LRP1B: variants seen among roughly 807,000 people sequenced by gnomAD.
LRP1B encodes the protein LDL receptor related protein 1B, also known as low-density lipoprotein receptor-related protein 1B.
Under a neutral mutation model 556.6 loss-of-function variants are expected in LRP1B, and 217 were observed. The observed-to-expected ratio is 0.39, with a 90% CI of 0.35 to 0.44. The LOEUF (loss-of-function observed/expected upper bound fraction) is 0.44, where lower values mean the gene tolerates loss of function less well. Among genes scored for constraint, LRP1B ranks in the 20% least tolerant of loss-of-function variants. The probability of loss-of-function intolerance (pLI) is 1.00; values close to 1 mark genes in which losing one functional copy is unlikely to be tolerated. For synonymous variants in LRP1B, 2,047 were observed against 1,865.8 expected (o/e 1.10, Z -2.50); for missense variants, 5,053 against 5,620.8 (o/e 0.90, Z 3.23).
chr2:140,688,436 T>C (rs950293392), intron 41 of LRP1B, among the ~76,000 whole-genome samples: 1 of 150,858 alleles, frequency 6.6e-6, no homozygotes, highest in Non-Finnish European at 1.5e-5. Context: ...TAATCTACTA[T>C]TGGTTTTCAA....
chr2:140,638,544 C>T (rs1230143723), intron 41 of LRP1B, among the ~76,000 whole-genome samples: 1 of 152,120 alleles, frequency 6.6e-6, no homozygotes, highest in African/African-American at 2.4e-5. Context: ...TAACTCTATA[C>T]TTCAAAGATA....
chr2:140,519,299 T>C (rs1690054359), intron 49 of LRP1B, among the ~76,000 whole-genome samples: 1 of 152,004 alleles, frequency 6.6e-6, no homozygotes, highest in African/African-American at 2.4e-5. Context: ...GCCTCAGAAA[T>C]AACACTACAC....
intron 7 of LRP1B, among the ~76,000 whole-genome samples, chr2:141,150,341 C>T (rs984318947): frequency 5.3e-5 from 8 of 152,164 alleles, no homozygotes; most frequent in Non-Finnish European, 2.9e-5. Context: ...AACTATATTT[C>T]AGCAGGAAAA....
At chr2:141,313,869 T>C (rs1319025328) in intron 3 of LRP1B, among the ~76,000 whole-genome samples, 1 of 152,000 alleles carries the variant, frequency 6.6e-6, no homozygotes, top group Non-Finnish European at 1.5e-5. Context: ...TTTCACTCTT[T>C]TTTTTTTTTC....
chr2:141,334,508 G>T (rs550294777), intron 3 of LRP1B, among the ~76,000 whole-genome samples: 2 of 152,262 alleles, frequency 1.3e-5, no homozygotes, highest in South Asian at 4.1e-4. Flanking sequence ...CCACTTTCAG[G>T]TATTTCCTTA....
At chr2:141,818,554 T>TG (rs1553468891) in intron 1 of LRP1B, among the ~76,000 whole-genome samples, 1 of 146,058 alleles carries the variant, frequency 6.8e-6, no homozygotes, top group East Asian at 2.1e-4. Context: ...TTTTTTTTTT[T>TG]GAGATGGAGT....
chr2:140,741,224 A>G (rs1463820485), intron 35 of LRP1B, among the ~76,000 whole-genome samples: 1 of 152,204 alleles, frequency 6.6e-6, no homozygotes, highest in East Asian at 1.9e-4. Flanking sequence ...GGGCAAGCAG[A>G]CATTTGGGGA....
At chr2:140,940,657 C>T (rs543239929) in intron 20 of LRP1B, among the ~76,000 whole-genome samples, 5 of 152,204 alleles carry the variant, frequency 3.3e-5, no homozygotes, top group African/African-American at 4.8e-5. Context: ...ACAGACTGTT[C>T]GCCAAGTCTA....
At chr2:141,748,791 A>G (rs1694002049) in intron 2 of LRP1B, among the ~76,000 whole-genome samples, 2 of 152,192 alleles carry the variant, frequency 1.3e-5, no homozygotes, top group Non-Finnish European at 2.9e-5. Context: ...TAGACCTTCA[A>G]ATAGACGCAA....
intron 5 of LRP1B, among the ~76,000 whole-genome samples, chr2:141,240,748 G>T (rs571412017): frequency 4.1e-4 from 63 of 152,000 alleles, no homozygotes; most frequent in Non-Finnish European, 7.5e-4. Context: ...TTTATTGACT[G>T]TCACACCTAG....
At chr2:141,213,773 A>G (rs1682665094) in intron 6 of LRP1B, among the ~76,000 whole-genome samples, 1 of 152,200 alleles carries the variant, frequency 6.6e-6, no homozygotes, top group Admixed American at 6.5e-5. Flanking sequence ...TACTATAAAA[A>G]TAGTTTCTAT....
chr2:141,336,037 A>G (rs1559013547), intron 3 of LRP1B, among the ~76,000 whole-genome samples: 1 of 149,414 alleles, frequency 6.7e-6, no homozygotes, highest in Non-Finnish European at 1.5e-5. Flanking sequence ...AGATAGTTCA[A>G]ATCTATCATT....
At chr2:140,818,205 T>C (rs781611149) in intron 31 of LRP1B, among the ~76,000 whole-genome samples, 1 of 152,180 alleles carries the variant, frequency 6.6e-6, no homozygotes, top group Non-Finnish European at 1.5e-5. Flanking sequence ...ATAGACACAC[T>C]ATGAATATTA....
chr2:140,684,756 T>C (rs1685989389), intron 41 of LRP1B, among the ~76,000 whole-genome samples: 2 of 152,206 alleles, frequency 1.3e-5, no homozygotes, highest in African/African-American at 2.4e-5. Context: ...TCCCTTTTTA[T>C]ATTTTTAGTT....
intron 7 of LRP1B, among the ~76,000 whole-genome samples, chr2:141,125,440 T>C (rs1701178297): frequency 6.6e-6 from 1 of 152,322 alleles, no homozygotes; most frequent in Non-Finnish European, 1.5e-5. Context: ...ACAGAAAGAA[T>C]GCAGAGAAAG....
intron 47 of LRP1B, among the ~76,000 whole-genome samples, chr2:140,527,681 AAG>A (rs1399312633): frequency 6.0e-4 from 2 of 3,356 alleles, no homozygotes; most frequent in African/African-American, 6.4e-4. Context: ...AAACGGAAAA[AAG>A]TTTTTTTTCT....
chr2:140,855,493 G>GATAAAAAAAAAAAAAAA (rs1692589190), intron 27 of LRP1B, among the ~76,000 whole-genome samples: 1 of 99,370 alleles, frequency 1.0e-5, no homozygotes, highest in Non-Finnish European at 2.0e-5. Flanking sequence ...TCTCTACTGG[G>GATAAAAAAAAAAAAAAA]AAAAAAAAAA....
chr2:140,465,728 A>AAAAAAAAAAAGAAAAAG (rs1212346708), intron 60 of LRP1B, among the ~76,000 whole-genome samples: 43 of 151,624 alleles, frequency 2.8e-4, no homozygotes, highest in African/African-American at 1.0e-3. Context: ...TGCAAAAAAA[A>AAAAAAAAAAAGAAAAAG]AAAAAAGAAA....
intron 84 of LRP1B, among the ~76,000 whole-genome samples, chr2:140,275,159 T>G (rs908169299): frequency 3.3e-5 from 5 of 152,002 alleles, no homozygotes; most frequent in African/African-American, 1.2e-4. Context: ...CTGAGAGCAG[T>G]CAATGATCCA....
Sources: gnomAD v4.1 joint callset for allele counts (sites outside exome capture counted in the v4.1 genomes callset) on GRCh38, gnomAD v4.1.1 for gene constraint, MANE v1.5 for transcripts, NCBI Gene and HGNC (gene_info 2026-07-23, HGNC 2026-07-21) for gene names.